The following DIXDC1 variants were observed in gnomAD, a reference collection of about 807,000 sequenced individuals.
DIXDC1 encodes DIX domain containing 1, also known as dixin.
Under a neutral mutation model 103.1 loss-of-function variants are expected in DIXDC1, and 64 were observed. The ratio of observed to expected loss-of-function variants is 0.62; its 90% CI spans 0.51 to 0.76. The LOEUF is 0.76. Ranked by LOEUF, DIXDC1 falls within the 30% of genes least tolerant of loss-of-function variation. The pLI is 0.00. For missense variants in DIXDC1, 759 were observed against 834.2 expected (o/e 0.91, Z 1.11); for synonymous variants, 266 against 298.5 (o/e 0.89, Z 1.12).
intron 1 of DIXDC1, among the ~76,000 whole-genome samples, chr11:111,960,405 C>CTGG (rs1555170983): frequency 3.3e-5 from 5 of 150,622 alleles, no homozygotes; most frequent in Non-Finnish European, 5.9e-5. Flanking sequence ...ACCAGCCTGG[C>CTGG]TAACATGGTG....
At chr11:111,937,141 G>GGGGGGT, upstream of DIXDC1, 14 of 751,968 alleles carry the variant, frequency 1.9e-5, no homozygotes, top group Non-Finnish European at 1.9e-5. Context: ...CGGGGGGGGG[G>GGGGGGT]TGTGCGCGTG....
chr11:112,014,681 G>A (rs1555177538), intron 17 of DIXDC1, among the ~76,000 whole-genome samples: 1 of 152,088 alleles, frequency 6.6e-6, no homozygotes, highest in Non-Finnish European at 1.5e-5. Context: ...TTGGGAGGTT[G>A]GAGACCACAT....
At chr11:111,983,865 C>T (rs782499876) in intron 7 of DIXDC1, among the ~76,000 whole-genome samples, 2 of 152,216 alleles carry the variant, frequency 1.3e-5, no homozygotes, top group Non-Finnish European at 2.9e-5. Context: ...ACAGCATCCA[C>T]TGGGCTTCTT....
chr11:111,944,980 T>A (rs1257094624), intron 1 of DIXDC1, among the ~76,000 whole-genome samples: 2 of 152,238 alleles, frequency 1.3e-5, no homozygotes, highest in African/African-American at 2.4e-5. Flanking sequence ...TGGTCTTTTT[T>A]AAAAAATTAG....
chr11:111,974,148 C>T lies in DIXDC1; in HGVS notation c.442C>T (p.Arg148Ter), dbSNP rs1592583110. 3.7e-6 allele frequency: 6 copies of T among 1,613,978 alleles called. No individual in the cohort carries two copies. Among genetic ancestry groups the T allele is most frequent in the African/African-American group, 1.3e-5 (1 of 75,054 alleles). Residue 148 changes from arginine (R) to a stop codon, truncating the protein, a stop_gained, in exon 4 of 20, where the codon CGA (arginine) becomes TGA (stop). Transcript: ENST00000440460. LOFTEE classifies it high-confidence loss of function. ...RDSRAPLQSH[R>*]PHCATAVAQG... is the part of the protein sequence containing the mutation. ...CTCCAGAGCCCCTCTGCAAAGTCAC[C>T]GACCACACTGTGCCACTGCTGTTGC...
rs587659549 is a variant in DIXDC1 at position 111,950,659 on chromosome 11, T to C, written c.60+13100T>C. 1.3e-4 allele frequency among the ~76,000 whole-genome samples: 19 copies of C among 151,688 alleles called. 1 individual carries two copies. The South Asian group carries it at 4.0e-3, about 32-fold the overall frequency. ...TTAGTAGAGACAGGGTTTCACCATG[T>C]TGGCCAGACTGGTCTTGAACTCCTG... On this transcript the variant is annotated intron_variant, in intron 1 of 19. Transcript: ENST00000440460.
chr11:111,949,455 C>G (rs1404338901), intron 1 of DIXDC1, among the ~76,000 whole-genome samples: 1 of 152,228 alleles, frequency 6.6e-6, no homozygotes, highest in African/African-American at 2.4e-5. Context: ...TATCAGTCAT[C>G]TCTGGCTTGT....
chr11:111,975,303 A>C, intron 5 of DIXDC1: 1 of 1,160,448 alleles, frequency 8.6e-7, no homozygotes, highest in Non-Finnish European at 1.1e-6. Context: ...ATGAGGTGCC[A>C]GTGTTTATGA....
Position 111,989,952 on chromosome 11 carries a change from C to A in DIXDC1, c.1113+897C>A, listed in dbSNP as rs112692305. ...TACAGGTGCCCGCCACCACGCCCGG[C>A]TAATTTTTTGTATTTTTTTAGTAGA... On this transcript the variant is annotated intron_variant, in intron 10 of 19. Coordinates refer to ENST00000440460, the MANE Select transcript of DIXDC1 (RefSeq NM_001037954.4). Among the ~76,000 whole-genome samples the A allele has an allele frequency of 9.9e-3, 1,494 of 150,914 alleles. 43 individuals carry two copies. Among genetic ancestry groups the A allele is most frequent in the African/African-American group, 0.035 (1,432 of 41,078 alleles).
At chr11:111,994,600 G>GTATAT in intron 14 of DIXDC1, among the ~76,000 whole-genome samples, 1 of 146,948 alleles carries the variant, frequency 6.8e-6, no homozygotes, top group Admixed American at 6.8e-5. Context: ...GTATGTATAT[G>GTATAT]TATGTATGTA....
chr11:112,012,580 AGCTATAACTATTAATCACCT>A (rs1202910429), intron 17 of DIXDC1, among the ~76,000 whole-genome samples: 1 of 152,238 alleles, frequency 6.6e-6, no homozygotes, highest in African/African-American at 2.4e-5. Flanking sequence ...TAAACTTATA[AGCTATAACTATTAATCACCT>A]GTTTTGTGGT....
intron 1 of DIXDC1, among the ~76,000 whole-genome samples, chr11:111,960,615 G>T (rs587724459): frequency 8.7e-5 from 13 of 149,832 alleles, no homozygotes; most frequent in Admixed American, 6.0e-4. Flanking sequence ...AAAAAGAAAA[G>T]AAAAAGAAAA....
intron 8 of DIXDC1, 57 bp downstream of exon 8, chr11:111,985,378 A>T (rs1592597092): frequency 8.0e-6 from 11 of 1,379,566 alleles, no homozygotes; most frequent in Non-Finnish European, 1.0e-5. Context: ...ACTTGTATTT[A>T]GCATTTGACA....
At chr11:111,978,122 C>T (rs782535559) in intron 5 of DIXDC1, among the ~76,000 whole-genome samples, 2 of 152,112 alleles carry the variant, frequency 1.3e-5, no homozygotes, top group Non-Finnish European at 2.9e-5. Context: ...TGCAGGATTG[C>T]TTGTCTGATA....
At chr11:111,938,588 A>G (rs1555168502) in intron 1 of DIXDC1, among the ~76,000 whole-genome samples, 1 of 151,960 alleles carries the variant, frequency 6.6e-6, no homozygotes, top group African/African-American at 2.4e-5. Flanking sequence ...GGCTCCCCCC[A>G]CCCATTCCAG....
At chr11:111,993,448 A>G (rs587602717) in intron 12 of DIXDC1, 48 bp from the exon 13 acceptor site, 1 of 1,605,656 alleles carries the variant, frequency 6.2e-7, no homozygotes, top group South Asian at 1.1e-5. Flanking sequence ...TGAACTTTTC[A>G]GTGTCCCTGG....
chr11:111,927,705 GCA>G (rs1158260132), intron 1 of DIXDC1, among the ~76,000 whole-genome samples: 1 of 152,010 alleles, frequency 6.6e-6, no homozygotes. Context: ...TGTAGCACAC[GCA>G]CACACAAAAG....
intron 6 of DIXDC1, among the ~76,000 whole-genome samples, chr11:111,981,120 G>C (rs1323687805): frequency 2.7e-5 from 4 of 150,890 alleles, no homozygotes; most frequent in Non-Finnish European, 5.9e-5. Context: ...AAATGACTTT[G>C]GGGCAGTCAA....
In DIXDC1 at chr11:111,953,504, G is replaced by A. The variant is rs191902959; in HGVS notation, c.61-11045G>A. 1.1e-3 allele frequency among the ~76,000 whole-genome samples: 172 copies of A among 152,186 alleles called. 1 individual carries two copies. Among genetic ancestry groups the A allele is most frequent in the Non-Finnish European group, 2.0e-3 (137 of 68,012 alleles). On this transcript the variant is annotated intron_variant, in intron 1 of 19. Transcript: ENST00000440460. The stretch of plus-strand genomic sequence containing the variant: ...ATATAAAAAATTAGCCAGGCATGGT[G>A]GCACGTGCCTGTAATCCCAGCTACT...
Sources: allele counts gnomAD v4.1 joint callset (sites outside exome capture counted in the v4.1 genomes callset), GRCh38; gene constraint gnomAD v4.1.1; transcripts MANE v1.5; gene names NCBI Gene and HGNC (gene_info 2026-07-23, HGNC 2026-07-21).